DENND4A: variants seen among roughly 807,000 people sequenced by gnomAD.
The protein encoded by DENND4A is C-myc promoter-binding protein.
DENND4A carries 70 observed loss-of-function variants against 199.3 expected under a neutral mutation model. The ratio of observed to expected loss-of-function variants is 0.35; its 90% CI spans 0.29 to 0.43. The LOEUF is 0.43. Among genes scored for constraint, DENND4A ranks in the 20% least tolerant of loss-of-function variants. DENND4A has a pLI of 1.00. For synonymous variants in DENND4A, 686 were observed against 766.9 expected (o/e 0.89, Z 1.74); for missense variants, 1,723 against 2,255.8 (o/e 0.76, Z 4.78).
At chr15:65,762,285 G>A (rs1005322902) in intron 1 of DENND4A, among the ~76,000 whole-genome samples, 1 of 152,076 alleles carries the variant, frequency 6.6e-6, no homozygotes, top group Admixed American at 6.5e-5. Context: ...GGGATTACAG[G>A]CGTGAGCCAC....
intron 23 of DENND4A, among the ~76,000 whole-genome samples, chr15:65,688,540 C>T (rs541818432): frequency 1.3e-5 from 2 of 152,332 alleles, no homozygotes; most frequent in South Asian, 2.1e-4. Flanking sequence ...TTGTGTTTTA[C>T]TTTTTGTAGG....
At chr15:65,663,198 A>ATATT (rs1491239096) in intron 32 of DENND4A, among the ~76,000 whole-genome samples, 12 of 112,338 alleles carry the variant, frequency 1.1e-4, no homozygotes, top group South Asian at 5.7e-4. Flanking sequence ...ATATATATAT[A>ATATT]TTTTTTTTTT....
intron 22 of DENND4A, among the ~76,000 whole-genome samples, chr15:65,694,585 T>G (rs1008721326): frequency 6.6e-6 from 1 of 152,170 alleles, no homozygotes; most frequent in African/African-American, 2.4e-5. Context: ...ACAAGGGTGT[T>G]CAATGATATA....
intron 12 of DENND4A, among the ~76,000 whole-genome samples, chr15:65,720,693 T>C (rs1188787717): frequency 6.6e-6 from 1 of 151,580 alleles, no homozygotes; most frequent in Non-Finnish European, 1.5e-5. Flanking sequence ...ATTACAGGTA[T>C]GAGCCACTAC....
At chr15:65,676,130 T>C (rs1369654930) in intron 24 of DENND4A, among the ~76,000 whole-genome samples, 20 of 105,652 alleles carry the variant, frequency 1.9e-4, no homozygotes, top group African/African-American at 4.0e-4. Flanking sequence ...GACAGGGAAG[T>C]AATAAGGAAA....
chr15:65,790,368 G>A (rs1247979731), intron 1 of DENND4A, among the ~76,000 whole-genome samples: 1 of 152,090 alleles, frequency 6.6e-6, no homozygotes. Context: ...TGGACCAAAA[G>A]TTATCTACAT....
At chr15:65,674,901 AAAG>A (rs1344236089) in intron 24 of DENND4A, among the ~76,000 whole-genome samples, 4 of 152,242 alleles carry the variant, frequency 2.6e-5, no homozygotes, top group Admixed American at 1.3e-4. Context: ...CGTTGGCAGC[AAAG>A]GAGAAAGGAA....
At chr15:65,728,463 ATTTCTTTTTCTTTT>A (rs1396592291) in intron 11 of DENND4A, among the ~76,000 whole-genome samples, 243 of 150,530 alleles carry the variant, frequency 1.6e-3, no homozygotes, top group Non-Finnish European at 2.8e-3. Flanking sequence ...CTTTGGCTAA[ATTTCTTTTTCTTTT>A]TTTCTTTTTC....
chr15:65,751,746 G>A (rs1421441032), intron 4 of DENND4A, among the ~76,000 whole-genome samples: 1 of 152,108 alleles, frequency 6.6e-6, no homozygotes, highest in African/African-American at 2.4e-5. Context: ...GAAACCTGCT[G>A]AAAAATTAAA....
rs771359555 is a variant in DENND4A, at chr15:65,732,702, G to T, written c.1107+50C>A. ...GTTATTCTTATGTTACATTTTGACA[G>T]AGCCAATAACAACTCATAGGTCCCC... On this transcript the variant is annotated intron_variant, in intron 8 of 32. Transcript: ENST00000443035. The T allele has an allele frequency of 4.7e-6, 5 of 1,059,968 alleles. No individual in the cohort carries two copies. The African/African-American group carries it at 6.4e-5, about 14-fold the overall frequency. 65.7% of individuals were successfully genotyped at this position (1,059,968 alleles called of 1,614,324 possible). A position where few individuals can be genotyped will look rare whatever the true frequency, so the allele number is the denominator to read the frequency against.
chr15:65,771,026 G>A (rs922969510), intron 1 of DENND4A: 22 of 622,780 alleles, frequency 3.5e-5, no homozygotes, highest in Middle Eastern at 9.2e-4. Context: ...GGAGCCAGTA[G>A]GTCATAAACA....
chr15:65,680,759 C>T (rs2076544634), intron 23 of DENND4A: 2 of 152,126 alleles, frequency 1.3e-5, no homozygotes, highest in South Asian at 2.1e-4. Context: ...ATAAAGCAAA[C>T]CACAAATTTA....
intron 1 of DENND4A, among the ~76,000 whole-genome samples, chr15:65,774,124 G>A (rs1202508848): frequency 6.6e-6 from 1 of 151,760 alleles, no homozygotes; most frequent in Non-Finnish European, 1.5e-5. Flanking sequence ...TGGAGGCCGA[G>A]GTTGGTGGAT....
At position 65,691,295 on chromosome 15, in the gene DENND4A, A is replaced by G. The variant is rs750323791; in HGVS notation, c.3299T>C (p.Ile1100Thr). 8.7e-6 allele frequency: 14 copies of G among 1,613,212 alleles called. No homozygotes were observed. Among genetic ancestry groups the G allele is most frequent in the Middle Eastern group, 1.6e-4 (1 of 6,080 alleles). ...TGCATCAGCTCCCAATTTTTCAACTATATCTCCAGGGGTTGCTTCCTGGTT... is the reference window on the plus strand; with the variant it reads ...TGCATCAGCTCCCAATTTTTCAACTGTATCTCCAGGGGTTGCTTCCTGGTT... ...RINQEATPGDIVEKLGADAKI... is the reference protein window; with the variant it reads ...RINQEATPGDTVEKLGADAKI... Residue 1100 changes from isoleucine to threonine, a missense_variant, in exon 23 of 33, where the codon ATA becomes ACA. By Grantham distance (89) the Ile-to-Thr change is moderately conservative. Around this residue, in one of 6 missense-constraint regions of DENND4A, gnomAD observed 650 missense variants for 738.1 expected, o/e 0.88. Transcript: ENST00000443035.
At chr15:65,777,832 G>A (rs913032398) in intron 1 of DENND4A, among the ~76,000 whole-genome samples, 2 of 152,094 alleles carry the variant, frequency 1.3e-5, no homozygotes, top group Admixed American at 6.6e-5. Flanking sequence ...TCAGGAGTTC[G>A]AGACCAGTCT....
At chr15:65,718,221 C>T (rs115247859) in intron 12 of DENND4A, among the ~76,000 whole-genome samples, 6,458 of 152,030 alleles carry the variant, frequency 0.042, 393 homozygotes, top group African/African-American at 0.13. Context: ...TATCTCACTA[C>T]CACCAGGAAA....
intron 23 of DENND4A, chr15:65,680,784 T>C (rs1038329173): frequency 1.3e-5 from 2 of 152,176 alleles, no homozygotes; most frequent in African/African-American, 4.8e-5. Flanking sequence ...CCAGTGCATA[T>C]AAAAGTTGTT....
At chr15:65,749,728 ATAAT>A (rs1567074609) in intron 4 of DENND4A, among the ~76,000 whole-genome samples, 1 of 152,186 alleles carries the variant, frequency 6.6e-6, no homozygotes, top group Non-Finnish European at 1.5e-5. Context: ...TATATAGTCA[ATAAT>A]TAAAAAGTCA....
chr15:65,701,603 T>A (rs1214157219), intron 18 of DENND4A, among the ~76,000 whole-genome samples, 159 bp downstream of exon 18: 1 of 152,122 alleles, frequency 6.6e-6, no homozygotes, highest in African/African-American at 2.4e-5. Flanking sequence ...AAGTAGATTG[T>A]ATAACATAAA....
Sources: gnomAD v4.1 joint callset for allele counts (sites outside exome capture counted in the v4.1 genomes callset) on GRCh38, gnomAD v4.1.1 for gene constraint, gnomAD v4.1.1 regional missense constraint, MANE v1.5 for transcripts, NCBI Gene and HGNC (gene_info 2026-07-23, HGNC 2026-07-21) for gene names.